The following CPS1 variants were observed in gnomAD, a reference collection of about 807,000 sequenced individuals.
CPS1 encodes the protein carbamoyl-phosphate synthase [ammonia], mitochondrial.
Under a neutral mutation model 174.6 loss-of-function variants are expected in CPS1, and 109 were observed. The observed-to-expected ratio is 0.62, with a 90% CI of 0.53 to 0.73. The LOEUF (loss-of-function observed/expected upper bound fraction) is 0.73, where lower values mean the gene tolerates loss of function less well. Among genes scored for constraint, CPS1 ranks in the 30% least tolerant of loss-of-function variants. The pLI is 0.00. For missense variants in CPS1, 1,689 were observed against 1,821.9 expected (o/e 0.93, Z 1.33); for synonymous variants, 637 against 632.0 (o/e 1.01, Z -0.12).
At chr2:210,607,552 C>A (rs762468356) in intron 18 of CPS1, among the ~76,000 whole-genome samples, 1 of 151,894 alleles carries the variant, frequency 6.6e-6, no homozygotes, top group East Asian at 1.9e-4. Flanking sequence ...TTTAAATGAA[C>A]ACAATATTTA....
chr2:210,573,592 T>C (rs374194871), intron 2 of CPS1, among the ~76,000 whole-genome samples, 185 bp downstream of exon 2: 1 of 152,044 alleles, frequency 6.6e-6, no homozygotes, highest in Non-Finnish European at 1.5e-5. Context: ...ATGAACTTCC[T>C]GCTACTGTAA....
intron 1 of CPS1, among the ~76,000 whole-genome samples, chr2:210,541,787 A>G (rs1276261053): frequency 6.6e-6 from 1 of 152,166 alleles, no homozygotes; most frequent in Admixed American, 6.6e-5. Context: ...TTGTAATGTA[A>G]TGATGGTTAA....
intron 1 of CPS1, among the ~76,000 whole-genome samples, chr2:210,508,442 G>A (rs1695351715): frequency 6.6e-6 from 1 of 151,766 alleles, no homozygotes; most frequent in Admixed American, 6.6e-5. Flanking sequence ...ATCTAAAATT[G>A]ACACCCTAAC....
intron 1 of CPS1, among the ~76,000 whole-genome samples, chr2:210,497,625 A>G (rs1408828618): frequency 1.3e-5 from 2 of 151,960 alleles, no homozygotes; most frequent in South Asian, 2.1e-4. Flanking sequence ...GGTCCCACTT[A>G]TAGGCAAGAA....
At position 210,609,215 on chromosome 2, in the gene CPS1, C is replaced by T. The variant is rs1296040295; in HGVS notation, c.2391+656C>T. Among the ~76,000 whole-genome samples, 4 of 152,088 alleles carry T rather than the reference C, an allele frequency of 2.6e-5. No individual in the cohort carries two copies. The East Asian group carries it at 5.8e-4, about 22-fold the overall frequency. On this transcript the variant is annotated intron_variant, in intron 19 of 37. Coordinates refer to ENST00000233072, the MANE Select transcript of CPS1 (RefSeq NM_001875.5). The stretch of plus-strand genomic sequence containing the variant: ...AATTAAAGTTAGCCTTTGATTATTG[C>T]ATCTTCAAAGATGCAGTGTTCTTCT...
intron 1 of CPS1, among the ~76,000 whole-genome samples, chr2:210,551,515 T>C (rs1160062009): frequency 6.6e-6 from 1 of 152,002 alleles, no homozygotes. Flanking sequence ...ATGCTCCTTG[T>C]ACTGACTAAC....
At chr2:210,649,796 A>AT (rs1028881946) in intron 27 of CPS1, among the ~76,000 whole-genome samples, 12 of 152,162 alleles carry the variant, frequency 7.9e-5, no homozygotes, top group Admixed American at 5.9e-4. Flanking sequence ...TTCAGATAGC[A>AT]TTTTTTCTCA....
chr2:210,594,682 G>A, intron 12 of CPS1, 76 bp downstream of exon 12: 1 of 963,102 alleles, frequency 1.0e-6, no homozygotes, highest in Non-Finnish European at 1.7e-6. Context: ...AAAACTAAGT[G>A]ATGTAAGGCA....
chr2:210,671,657 A>G (rs1220995805), intron 34 of CPS1: 1 of 152,166 alleles, frequency 6.6e-6, no homozygotes, highest in African/African-American at 2.4e-5. Flanking sequence ...TTTATGTGTC[A>G]CAAGTGTTCA....
chr2:210,573,256 G>T, intron 1 of CPS1, 42 bp from the exon 2 acceptor site: 1 of 1,500,626 alleles, frequency 6.7e-7, no homozygotes, highest in Non-Finnish European at 9.3e-7. Context: ...TGTGTGTTTT[G>T]TATTATGTAT....
rs115600431 is a variant in CPS1 at position 210,534,521 on chromosome 2, A to G, written c.4-22198A>G. On this transcript the variant is annotated intron_variant, in intron 1 of 38. Coordinates refer to the CPS1 transcript ENST00000430249. ...GGCTGCAGTATGTAGCATTGATTGCATGTTTTTGTTAACTTGAAAGTATCT... is the reference window on the plus strand; with the variant it reads ...GGCTGCAGTATGTAGCATTGATTGCGTGTTTTTGTTAACTTGAAAGTATCT... Among the ~76,000 whole-genome samples the G allele has an allele frequency of 1.1e-3, 164 of 152,278 alleles. 1 individual carries two copies. Among genetic ancestry groups the G allele is most frequent in the African/African-American group, 3.8e-3 (158 of 41,558 alleles).
At chr2:210,533,448 G>A (rs1574498124) in intron 1 of CPS1, among the ~76,000 whole-genome samples, 1 of 152,094 alleles carries the variant, frequency 6.6e-6, no homozygotes, top group East Asian at 1.9e-4. Flanking sequence ...TAATTATACA[G>A]ATGGAAAACT....
At chr2:210,510,472 G>A (rs1488283959) in intron 1 of CPS1, among the ~76,000 whole-genome samples, 10 of 151,938 alleles carry the variant, frequency 6.6e-5, no homozygotes, top group Non-Finnish European at 1.5e-4. Context: ...GCATGGGCAA[G>A]GGCAAGGACT....
At chr2:210,527,403 T>C (rs1429725786) in intron 1 of CPS1, among the ~76,000 whole-genome samples, 1 of 151,990 alleles carries the variant, frequency 6.6e-6, no homozygotes, top group Non-Finnish European at 1.5e-5. Flanking sequence ...CCTAGTCTAG[T>C]GGTTCCTGAT....
At position 210,660,642 on chromosome 2, in the gene CPS1, A is replaced by G. The variant is rs1428198748; in HGVS notation, c.3914A>G (p.Tyr1305Cys). Residue 1305 changes from tyrosine to cysteine, a missense_variant, in exon 32 of 38, where the codon TAT (tyrosine) becomes TGT (cysteine). Transcript: ENST00000233072. ...GACCATCCCATAATTCCTGCTGACT[A>G]TGTTGCAATTAAGGTAACATTTTCA... ...TLDHPIIPADYVAIKAPMFSW... is the reference protein window; with the variant it reads ...TLDHPIIPADCVAIKAPMFSW... 9 of 1,613,962 alleles carry G rather than the reference A, an allele frequency of 5.6e-6. No individual in the cohort carries two copies. Among genetic ancestry groups the G allele is most frequent in the South Asian group, 3.3e-5 (3 of 91,082 alleles).
chr2:210,557,777 G>T (rs1214890622), intron 1 of CPS1, among the ~76,000 whole-genome samples: 1 of 152,074 alleles, frequency 6.6e-6, no homozygotes, highest in Non-Finnish European at 1.5e-5. Flanking sequence ...GTCTGTTGAT[G>T]TGAAAATGGG....
chr2:210,522,387 A>T lies in CPS1; in HGVS notation c.4-34332A>T, dbSNP rs560003037. ...GTGTAGTTAAGTGTTATTTTTAAGA[A>T]TTTTTTTTAAACTTTAGCTAGAGTA... On this transcript the variant is annotated intron_variant, in intron 1 of 38. Coordinates refer to the CPS1 transcript ENST00000430249. 2.0e-5 allele frequency among the ~76,000 whole-genome samples: 3 copies of T among 151,960 alleles called. No individual in the cohort carries two copies. The South Asian group carries it at 6.2e-4, about 32-fold the overall frequency.
intron 5 of CPS1, among the ~76,000 whole-genome samples, chr2:210,581,691 C>T (rs1697928420): frequency 6.6e-6 from 1 of 152,076 alleles, no homozygotes; most frequent in South Asian, 2.1e-4. Context: ...TTAGAGGCAG[C>T]ACTCTGAATT....
chr2:210,500,322 C>T (rs544170003), intron 1 of CPS1, among the ~76,000 whole-genome samples: 1 of 152,288 alleles, frequency 6.6e-6, no homozygotes, highest in South Asian at 2.1e-4. Context: ...CAATCATGCC[C>T]TCCCAACAGT....
Sources: allele counts gnomAD v4.1 joint callset (sites outside exome capture counted in the v4.1 genomes callset), GRCh38; gene constraint gnomAD v4.1.1; transcripts MANE v1.5; gene names NCBI Gene and HGNC (gene_info 2026-07-23, HGNC 2026-07-21).